GALNTL6: variants seen among roughly 807,000 people sequenced by gnomAD.
GALNTL6 encodes the protein polypeptide N-acetylgalactosaminyltransferase like 6.
GALNTL6 carries 46 observed loss-of-function variants against 73.7 expected under a neutral mutation model. The ratio of observed to expected loss-of-function variants is 0.62; its 90% CI spans 0.49 to 0.80. GALNTL6 has a LOEUF of 0.80. Ranked by LOEUF, GALNTL6 falls within the 30% of genes least tolerant of loss-of-function variation. GALNTL6 has a pLI of 0.00. For missense variants in GALNTL6, 604 were observed against 755.0 expected (o/e 0.80, Z 2.34); for synonymous variants, 259 against 263.7 (o/e 0.98, Z 0.17).
chr4:172,755,237 T>TATAGACAGATAG (rs1553984921), intron 5 of GALNTL6, among the ~76,000 whole-genome samples: 4 of 145,550 alleles, frequency 2.7e-5, no homozygotes, highest in Non-Finnish European at 6.0e-5. Context: ...AAATGACAGA[T>TATAGACAGATAG]ATAGATAGAT....
intron 3 of GALNTL6, among the ~76,000 whole-genome samples, chr4:172,242,014 A>G (rs1201021010): frequency 2.6e-5 from 4 of 152,154 alleles, no homozygotes; most frequent in African/African-American, 4.8e-5. Context: ...GAGAATGTAC[A>G]TTTTGATATT....
chr4:171,955,657 T>C (rs906973828), intron 2 of GALNTL6, among the ~76,000 whole-genome samples: 5 of 152,132 alleles, frequency 3.3e-5, no homozygotes, highest in African/African-American at 1.2e-4. Context: ...AAAAAAATGT[T>C]GGTACATGTT....
chr4:172,380,635 T>A (rs184656257), intron 5 of GALNTL6: 1 of 176,312 alleles, frequency 5.7e-6, no homozygotes, highest in Admixed American at 5.7e-5. Flanking sequence ...TAATCTATTT[T>A]AATGGTATTT....
At chr4:173,011,860 G>A (rs1752566891) in intron 11 of GALNTL6, among the ~76,000 whole-genome samples, 1 of 152,158 alleles carries the variant, frequency 6.6e-6, no homozygotes, top group Non-Finnish European at 1.5e-5. Context: ...CCTGTGAAAG[G>A]GAAAAGATAG....
intron 3 of GALNTL6, among the ~76,000 whole-genome samples, chr4:172,310,122 A>G (rs1740299197): frequency 6.6e-6 from 1 of 152,222 alleles, no homozygotes; most frequent in African/African-American, 2.4e-5. Context: ...GGCTTTGCAT[A>G]TATTAAAAGG....
intron 5 of GALNTL6, among the ~76,000 whole-genome samples, chr4:172,706,272 T>C (rs981655530): frequency 1.3e-5 from 2 of 152,084 alleles, no homozygotes; most frequent in Admixed American, 1.3e-4. Flanking sequence ...ATTTTGACCA[T>C]TGTATTTCTA....
intron 5 of GALNTL6, among the ~76,000 whole-genome samples, chr4:172,711,047 T>C (rs1010213341): frequency 1.3e-5 from 2 of 152,094 alleles, no homozygotes; most frequent in Non-Finnish European, 2.9e-5. Context: ...CCCTTCTTAA[T>C]AAACAAATGT....
chr4:172,427,965 A>G (rs922415833), intron 5 of GALNTL6, among the ~76,000 whole-genome samples: 1 of 152,170 alleles, frequency 6.6e-6, no homozygotes, highest in Non-Finnish European at 1.5e-5. Flanking sequence ...TGTCCTCATC[A>G]AGATAATGGA....
At chr4:172,560,655 T>G (rs1285501760) in intron 5 of GALNTL6, among the ~76,000 whole-genome samples, 1 of 152,216 alleles carries the variant, frequency 6.6e-6, no homozygotes, top group Admixed American at 6.5e-5. Flanking sequence ...AAGTCTGAGA[T>G]TTTTTGTTGT....
intron 5 of GALNTL6, among the ~76,000 whole-genome samples, chr4:172,804,590 G>A (rs73871835): frequency 0.012 from 1,853 of 152,290 alleles, 39 homozygotes; most frequent in African/African-American, 0.041. Context: ...CTGGGGCAGC[G>A]GTTGGCATGA....
intron 5 of GALNTL6, among the ~76,000 whole-genome samples, chr4:172,749,418 T>A (rs925303898): frequency 2.6e-5 from 4 of 152,182 alleles, no homozygotes; most frequent in Non-Finnish European, 4.4e-5. Context: ...CAATACCGTT[T>A]GTTTTCAAAA....
chr4:172,023,707 T>A (rs1294157841), intron 2 of GALNTL6, among the ~76,000 whole-genome samples: 2 of 152,002 alleles, frequency 1.3e-5, no homozygotes, highest in Middle Eastern at 3.4e-3. Context: ...TGATGCTGAG[T>A]CTCACATGCA....
At chr4:172,882,664 C>A in intron 7 of GALNTL6, 126 bp from the exon 8 acceptor site, 1 of 684,590 alleles carries the variant, frequency 1.5e-6, no homozygotes, top group Admixed American at 2.1e-5. Flanking sequence ...TTACAGAAAA[C>A]CAGTGCTGAA....
chr4:172,098,116 T>C (rs1732409156), intron 2 of GALNTL6, among the ~76,000 whole-genome samples: 2 of 152,240 alleles, frequency 1.3e-5, no homozygotes, highest in African/African-American at 2.4e-5. Context: ...AATTAAAGCA[T>C]TTCCTATGTA....
intron 2 of GALNTL6, among the ~76,000 whole-genome samples, chr4:171,941,755 C>T (rs1379673993): frequency 3.9e-5 from 6 of 152,088 alleles, no homozygotes; most frequent in Admixed American, 6.5e-5. Context: ...ATTCTTGCTT[C>T]GAACTGGCAG....
intron 8 of GALNTL6, among the ~76,000 whole-genome samples, chr4:172,883,371 G>A (rs73000175): frequency 0.029 from 4,453 of 152,306 alleles, 180 homozygotes; most frequent in African/African-American, 0.084. Flanking sequence ...TTGGCTCACA[G>A]TTCTGCAGGC....
At chr4:172,891,090 T>C (rs1271681071) in intron 8 of GALNTL6, among the ~76,000 whole-genome samples, 1 of 151,864 alleles carries the variant, frequency 6.6e-6, no homozygotes, top group Non-Finnish European at 1.5e-5. Flanking sequence ...ACATGGGAGA[T>C]TGGTCTCTTG....
intron 2 of GALNTL6, among the ~76,000 whole-genome samples, chr4:171,942,013 A>C (rs2111014736): frequency 6.6e-6 from 1 of 152,278 alleles, no homozygotes; most frequent in Non-Finnish European, 1.5e-5. Context: ...AAAGTTATTC[A>C]GGAAATAGTT....
intron 2 of GALNTL6, among the ~76,000 whole-genome samples, chr4:171,999,556 G>A (rs1018038412): frequency 6.6e-6 from 1 of 152,104 alleles, no homozygotes; most frequent in Non-Finnish European, 1.5e-5. Flanking sequence ...TGTGTGAAGT[G>A]TTGCATTTTA....
Sources: gnomAD v4.1 joint callset for allele counts (sites outside exome capture counted in the v4.1 genomes callset) on GRCh38, gnomAD v4.1.1 for gene constraint, MANE v1.5 for transcripts, NCBI Gene and HGNC (gene_info 2026-07-23, HGNC 2026-07-21) for gene names.